Variants in WIF1 observed in about 807,000 individuals in gnomAD.
WIF1 encodes the protein Wnt inhibitory factor 1.
In WIF1, 35 loss-of-function variants were observed where a neutral mutation model predicts 53.5. The observed-to-expected ratio is 0.65, with a 90% CI of 0.50 to 0.87. The LOEUF is 0.87. Among genes scored for constraint, WIF1 ranks in the 40% least tolerant of loss-of-function variants. WIF1 has a pLI of 0.00. For missense variants in WIF1, 467 were observed against 476.8 expected (o/e 0.98, Z 0.19); for synonymous variants, 171 against 170.4 (o/e 1.00, Z -0.03).
At chr12:65,096,271 T>A (rs565275219) in intron 2 of WIF1, among the ~76,000 whole-genome samples, 3 of 152,280 alleles carry the variant, frequency 2.0e-5, no homozygotes, top group South Asian at 4.1e-4. Flanking sequence ...AATAAGCTCA[T>A]TATCACTGGT....
intron 2 of WIF1, among the ~76,000 whole-genome samples, chr12:65,087,817 G>A (rs1883063526): frequency 6.6e-6 from 1 of 151,686 alleles, no homozygotes; most frequent in Non-Finnish European, 1.5e-5. Context: ...TCCTACCTAA[G>A]AGTCAAACAG....
intron 2 of WIF1, among the ~76,000 whole-genome samples, chr12:65,118,681 G>T (rs1219262445): frequency 6.6e-6 from 1 of 152,144 alleles, no homozygotes; most frequent in Non-Finnish European, 1.5e-5. Context: ...TTCCCTGCAG[G>T]ACATATTCCT....
Position 65,050,726 on chromosome 12 carries a change from A to C in WIF1, c.*623T>G. 5.3e-6 allele frequency: 1 copy of C among 187,088 alleles called. No homozygotes were observed. Among genetic ancestry groups the C allele is most frequent in the Non-Finnish European group, 1.1e-5 (1 of 88,466 alleles). The allele number at this position is 187,088 out of a possible 1,614,324, so 11.6% of individuals were successfully genotyped here. On this transcript the variant is annotated 3_prime_UTR_variant, in exon 10 of 10. Transcript: ENST00000286574. ...TGTTTACAATATATTATATTGCTTC[A>C]AGCCAATGCAAAAAGTTCATACATT... is the stretch of plus-strand genomic sequence containing the variant.
At chr12:65,096,635 G>A (rs1202309422) in intron 2 of WIF1, among the ~76,000 whole-genome samples, 1 of 152,228 alleles carries the variant, frequency 6.6e-6, no homozygotes, top group African/African-American at 2.4e-5. Flanking sequence ...ATCAGTGATA[G>A]ACTGGATAAA....
At chr12:65,118,888 G>GAGAT (rs1883553358) in intron 2 of WIF1, among the ~76,000 whole-genome samples, 1 of 151,952 alleles carries the variant, frequency 6.6e-6, no homozygotes, top group African/African-American at 2.4e-5. Context: ...GAGAGAGAGA[G>GAGAT]AGTGCGCACG....
At chr12:65,110,479 C>T (rs1400844882) in intron 2 of WIF1, among the ~76,000 whole-genome samples, 1 of 152,198 alleles carries the variant, frequency 6.6e-6, no homozygotes, top group African/African-American at 2.4e-5. Context: ...ACTCCACCAG[C>T]CCAAACTAGC....
At chr12:65,077,097 C>G (rs1882872927) in intron 3 of WIF1, among the ~76,000 whole-genome samples, 1 of 152,130 alleles carries the variant, frequency 6.6e-6, no homozygotes, top group South Asian at 2.1e-4. Context: ...GCAAGTCAGT[C>G]AAATCTCCTA....
intron 2 of WIF1, chr12:65,083,929 C>T: frequency 6.8e-6 from 2 of 293,890 alleles, no homozygotes; most frequent in South Asian, 7.1e-5. Context: ...GCCTCAACCT[C>T]CTGGGCTCAA....
At chr12:65,108,010 A>G (rs2136292965) in intron 2 of WIF1, among the ~76,000 whole-genome samples, 1 of 152,354 alleles carries the variant, frequency 6.6e-6, no homozygotes, top group South Asian at 2.1e-4. Context: ...TTAGTGTGAC[A>G]GTCTCAGAGT....
At chr12:65,112,519 G>A (rs532104202) in intron 2 of WIF1, among the ~76,000 whole-genome samples, 112 of 151,174 alleles carry the variant, frequency 7.4e-4, no homozygotes, top group African/African-American at 2.6e-3. Flanking sequence ...AGCTAAATGA[G>A]GGTTGTGGAA....
intron 2 of WIF1, among the ~76,000 whole-genome samples, chr12:65,106,360 C>CATATATATATATAT (rs200504105): frequency 7.0e-6 from 1 of 142,084 alleles, no homozygotes; most frequent in African/African-American, 2.8e-5. Flanking sequence ...TATATATGAT[C>CATATATATATATAT]ATATATATAT....
At chr12:65,118,647 T>C (rs1421231138) in intron 2 of WIF1, among the ~76,000 whole-genome samples, 2 of 152,236 alleles carry the variant, frequency 1.3e-5, no homozygotes, top group African/African-American at 4.8e-5. Flanking sequence ...TTCCTCTTCA[T>C]GCCAGTTCCA....
chr12:65,093,989 G>A (rs1883164081), intron 2 of WIF1, among the ~76,000 whole-genome samples: 1 of 152,156 alleles, frequency 6.6e-6, no homozygotes, highest in Admixed American at 6.5e-5. Flanking sequence ...GGCAAACAGT[G>A]ACGGTTCTGT....
At chr12:65,097,036 GAAAC>G (rs1883215858) in intron 2 of WIF1, among the ~76,000 whole-genome samples, 1 of 132,282 alleles carries the variant, frequency 7.6e-6, no homozygotes, top group Admixed American at 7.5e-5. Context: ...AAAAAAAAAA[GAAAC>G]AGATCAACAG....
intron 2 of WIF1, among the ~76,000 whole-genome samples, chr12:65,111,003 A>T (rs1209017617): frequency 6.6e-6 from 1 of 152,242 alleles, no homozygotes; most frequent in East Asian, 1.9e-4. Flanking sequence ...CAGAAATCTG[A>T]AGGGAGTGCA....
chr12:65,058,088 G>T (rs1487778799), intron 7 of WIF1, among the ~76,000 whole-genome samples: 1 of 60,450 alleles, frequency 1.7e-5, no homozygotes, highest in Non-Finnish European at 3.1e-5. Context: ...CCAAAAGAAG[G>T]TCCTTTTTTT....
At position 65,079,032 on chromosome 12, in the gene WIF1, G is replaced by A. The variant is rs547100238; in HGVS notation, c.289-1178C>T. ...ATACAAAACTTAGCTGGGCATGGTC[G>A]TGGGTGCTTGTAGTCCCAGCTACTT... On this transcript the variant is annotated intron_variant, in intron 2 of 9. Transcript: ENST00000286574. Among the ~76,000 whole-genome samples the A allele has an allele frequency of 1.1e-4, 17 of 152,124 alleles. No individual in the cohort carries two copies. The East Asian group carries it at 1.9e-3, about 17-fold the overall frequency.
chr12:65,095,513 T>G (rs983944050), intron 2 of WIF1, among the ~76,000 whole-genome samples: 1 of 152,198 alleles, frequency 6.6e-6, no homozygotes, highest in African/African-American at 2.4e-5. Context: ...ATATGATAAC[T>G]ATTTATCAGT....
chr12:65,121,011 G>C, intron 1 of WIF1, 33 bp downstream of exon 1: 2 of 1,432,004 alleles, frequency 1.4e-6, no homozygotes, highest in Middle Eastern at 1.8e-4. Flanking sequence ...GGAGGACATA[G>C]GCAGGGGAAG....
Sources: allele counts gnomAD v4.1 joint callset (sites outside exome capture counted in the v4.1 genomes callset), GRCh38; gene constraint gnomAD v4.1.1; transcripts MANE v1.5; gene names NCBI Gene and HGNC (gene_info 2026-07-23, HGNC 2026-07-21).